Variants in PRKD1 observed in about 807,000 individuals in gnomAD.
PRKD1 encodes the protein serine/threonine-protein kinase D1.
A neutral mutation model predicts 95.9 loss-of-function variants in PRKD1; 63 were observed. The observed-to-expected ratio is 0.66, with a 90% CI of 0.54 to 0.81. The LOEUF (loss-of-function observed/expected upper bound fraction) is 0.81, where lower values mean the gene tolerates loss of function less well. Among genes scored for constraint, PRKD1 ranks in the 30% least tolerant of loss-of-function variants. PRKD1 has a pLI of 0.00. For synonymous variants in PRKD1, 425 were observed against 423.1 expected (o/e 1.00, Z -0.05); for missense variants, 1,048 against 1,165.3 (o/e 0.90, Z 1.47).
At chr14:29,714,200 G>A (rs888712267) in intron 2 of PRKD1, among the ~76,000 whole-genome samples, 1 of 152,138 alleles carries the variant, frequency 6.6e-6, no homozygotes, top group East Asian at 1.9e-4. Context: ...GGGTACTAAG[G>A]TATGAGGAAT....
At chr14:29,777,860 C>T (rs907374397) in intron 1 of PRKD1, among the ~76,000 whole-genome samples, 1 of 152,164 alleles carries the variant, frequency 6.6e-6, no homozygotes, top group Non-Finnish European at 1.5e-5. Flanking sequence ...AGCACCACAT[C>T]ACACTTATTC....
intron 13 of PRKD1, among the ~76,000 whole-genome samples, chr14:29,603,158 C>A (rs1893583012): frequency 6.6e-6 from 1 of 152,168 alleles, no homozygotes. Flanking sequence ...GGCCCTTGCT[C>A]TTTTATGAGC....
At chr14:29,672,938 CG>C (rs778498425) in intron 2 of PRKD1, among the ~76,000 whole-genome samples, 5 of 151,796 alleles carry the variant, frequency 3.3e-5, no homozygotes, top group Admixed American at 6.6e-5. Context: ...AAGGATGCAC[CG>C]GGACAGTAGG....
At chr14:29,624,071 T>C (rs914077625) in intron 13 of PRKD1, 81 bp downstream of exon 13, 5 of 993,878 alleles carry the variant, frequency 5.0e-6, no homozygotes, top group Middle Eastern at 4.4e-4. Context: ...CACAGGTTTT[T>C]AGAGAAAATT....
rs141844924 is a variant in PRKD1, at chr14:29,634,421, C to T, written c.1311G>A (p.Thr437=). The change falls in exon 8 of 18, where the codon ACG becomes ACA. Residue 437 remains threonine (T), a synonymous_variant. Coordinates refer to ENST00000331968, the MANE Select transcript of PRKD1 (RefSeq NM_002742.3). ...CATTGTTCCCTGTGGATCTTACCAG[C>T]GTGTCCTTGCTGGTGTAGTGGACCA... is the stretch of plus-strand genomic sequence containing the variant. ...GWMVHYTSKD[T]LRKRHYWRLD... is the part of the protein sequence containing the mutation. 72 of 1,613,884 alleles carry T rather than the reference C, an allele frequency of 4.5e-5. 2 individuals are homozygous for T. The South Asian group carries it at 6.8e-4, about 15-fold the overall frequency.
At chr14:29,640,550 T>C (rs1445784786) in intron 4 of PRKD1, among the ~76,000 whole-genome samples, 2 of 152,148 alleles carry the variant, frequency 1.3e-5, no homozygotes, top group African/African-American at 4.8e-5. Flanking sequence ...CAGATAAGTC[T>C]AGGGAGATTA....
intron 1 of PRKD1, among the ~76,000 whole-genome samples, chr14:29,788,720 TCTC>T (rs1889387750): frequency 6.6e-6 from 1 of 152,146 alleles, no homozygotes; most frequent in Non-Finnish European, 1.5e-5. Context: ...ATATTTTTAT[TCTC>T]CTCTTTTGAT....
chr14:29,609,523 C>CACAT (rs748360630), intron 13 of PRKD1, among the ~76,000 whole-genome samples: 6 of 148,612 alleles, frequency 4.0e-5, no homozygotes, highest in Non-Finnish European at 7.4e-5. Flanking sequence ...CACACACACA[C>CACAT]ACACACACAC....
Position 29,578,281 on chromosome 14 carries a change from C to T in PRKD1, c.2514G>A (p.Trp838Ter), listed in dbSNP as rs1290348891. The T allele has an allele frequency of 4.4e-6, 7 of 1,603,108 alleles. No individual in the cohort carries two copies. Among genetic ancestry groups the T allele is most frequent in the Non-Finnish European group, 6.0e-6 (7 of 1,174,268 alleles). Reference sequence around the variant, plus strand: ...CTCAGTGATTATTGTTTACCTGTAGCCAAGGGTGGCTCAAGGTCTTATCCA... The same window carrying T: ...CTCAGTGATTATTGTTTACCTGTAGTCAAGGGTGGCTCAAGGTCTTATCCA... ...YSVDKTLSHP[W>*]LQDYQTWLDL... The change falls in exon 17 of 18, where the codon TGG (tryptophan) becomes TGA (stop). Residue 838 changes from tryptophan to a stop codon, truncating the protein, a stop_gained. Coordinates refer to ENST00000331968, the MANE Select transcript of PRKD1 (RefSeq NM_002742.3). LOFTEE classifies it high-confidence loss of function.
intron 2 of PRKD1, among the ~76,000 whole-genome samples, chr14:29,703,457 A>G (rs1594443113): frequency 6.6e-6 from 1 of 152,252 alleles, no homozygotes; most frequent in East Asian, 1.9e-4. Flanking sequence ...AACTCAAATG[A>G]TTGTAGTATT....
At chr14:29,583,099 C>A (rs993177030) in intron 16 of PRKD1, among the ~76,000 whole-genome samples, 1 of 152,120 alleles carries the variant, frequency 6.6e-6, no homozygotes, top group Admixed American at 6.5e-5. Flanking sequence ...AGCTGGGGCC[C>A]TCAGAAATCT....
intron 2 of PRKD1, among the ~76,000 whole-genome samples, chr14:29,669,451 A>AT (rs45543737): frequency 1.2e-3 from 173 of 150,162 alleles, no homozygotes; most frequent in Middle Eastern, 3.5e-3. Flanking sequence ...TGCTGTGGGC[A>AT]TTTTTTTTTT....
At chr14:29,888,234 T>C (rs1175777497) in intron 1 of PRKD1, among the ~76,000 whole-genome samples, 1 of 150,238 alleles carries the variant, frequency 6.7e-6, no homozygotes, top group African/African-American at 2.5e-5. Flanking sequence ...AGCCCAGGAG[T>C]GATCCTATGA....
intron 16 of PRKD1, among the ~76,000 whole-genome samples, chr14:29,581,796 G>A (rs1027165782): frequency 1.3e-5 from 2 of 152,088 alleles, no homozygotes; most frequent in African/African-American, 4.8e-5. Context: ...CTAGCTTTCT[G>A]TCATGCTCAC....
chr14:29,760,318 A>C (rs1887916826), intron 1 of PRKD1, among the ~76,000 whole-genome samples: 1 of 147,864 alleles, frequency 6.8e-6, no homozygotes, highest in Middle Eastern at 3.6e-3. Context: ...TTCAGATGAC[A>C]CCTAAGTCTC....
intron 4 of PRKD1, among the ~76,000 whole-genome samples, chr14:29,645,859 C>A (rs1292122627): frequency 6.6e-6 from 1 of 152,090 alleles, no homozygotes; most frequent in Non-Finnish European, 1.5e-5. Flanking sequence ...TTGCTTACCC[C>A]CACTCCTTAC....
intron 2 of PRKD1, among the ~76,000 whole-genome samples, chr14:29,672,177 C>T (rs1410427521): frequency 6.6e-6 from 1 of 151,104 alleles, no homozygotes. Context: ...CCTGTCTCCA[C>T]TAAAAATACA....
intron 11 of PRKD1, 128 bp downstream of exon 11, chr14:29,628,912 AT>A: frequency 1.8e-6 from 1 of 552,858 alleles, no homozygotes; most frequent in Non-Finnish European, 2.9e-6. Context: ...TCACAAAAAA[AT>A]ATCCAAATTC....
intron 1 of PRKD1, among the ~76,000 whole-genome samples, chr14:29,916,282 AG>A (rs1894884409): frequency 6.6e-6 from 1 of 152,216 alleles, no homozygotes; most frequent in Non-Finnish European, 1.5e-5. Flanking sequence ...GCTTGTAAAA[AG>A]CAACCTCCAA....
Sources: allele counts gnomAD v4.1 joint callset (sites outside exome capture counted in the v4.1 genomes callset), GRCh38; gene constraint gnomAD v4.1.1; transcripts MANE v1.5; gene names NCBI Gene and HGNC (gene_info 2026-07-23, HGNC 2026-07-21).